DNAH6: variants seen among roughly 807,000 people sequenced by gnomAD.
DNAH6 encodes axonemal beta dynein heavy chain 6.
In DNAH6, 340 loss-of-function variants were observed where a neutral mutation model predicts 491.4. The observed-to-expected ratio is 0.69, with a 90% CI of 0.63 to 0.76. DNAH6 has a LOEUF of 0.76. DNAH6 is among the 30% of genes least tolerant of loss of function. The probability of loss-of-function intolerance (pLI) is 0.00; values close to 1 mark genes in which losing one functional copy is unlikely to be tolerated. For synonymous variants in DNAH6, 1,603 were observed against 1,686.1 expected (o/e 0.95, Z 1.21); for missense variants, 4,443 against 4,972.2 (o/e 0.89, Z 3.20).
intron 68 of DNAH6, among the ~76,000 whole-genome samples, chr2:84,795,586 T>G (rs559153828): frequency 7.9e-5 from 12 of 152,338 alleles, no homozygotes; most frequent in Admixed American, 7.8e-4. Flanking sequence ...GTTGACAATG[T>G]AGGTATCACA....
At chr2:84,728,443 G>C (rs1698841957) in intron 61 of DNAH6, among the ~76,000 whole-genome samples, 1 of 152,178 alleles carries the variant, frequency 6.6e-6, no homozygotes, top group African/African-American at 2.4e-5. Flanking sequence ...ACTCAGCTCT[G>C]CCTCCAACTA....
At chr2:84,662,169 G>T (rs1227023464) in intron 37 of DNAH6, among the ~76,000 whole-genome samples, 1 of 152,082 alleles carries the variant, frequency 6.6e-6, no homozygotes, top group Non-Finnish European at 1.5e-5. Flanking sequence ...TGGCCAAATA[G>T]GAACAGCTCC....
At chr2:84,672,558 A>T (rs1692837447) in intron 40 of DNAH6, 74 bp downstream of exon 40, 1 of 1,358,308 alleles carries the variant, frequency 7.4e-7, no homozygotes, top group South Asian at 1.4e-5. Flanking sequence ...AGTTTGTGAG[A>T]CTACCATAAC....
chr2:84,571,022 A>G (rs1311616196), intron 11 of DNAH6, among the ~76,000 whole-genome samples: 1 of 152,180 alleles, frequency 6.6e-6, no homozygotes, highest in Non-Finnish European at 1.5e-5. Context: ...AGTCAGCAAG[A>G]CCGAGAATCC....
intron 64 of DNAH6, among the ~76,000 whole-genome samples, chr2:84,778,467 G>A (rs189862034): frequency 7.3e-5 from 11 of 151,572 alleles, no homozygotes; most frequent in Admixed American, 1.3e-4. Context: ...ATTAGATCAT[G>A]AATCTAATTC....
rs1303451413 is a variant in DNAH6, at chr2:84,688,475, A to G, written c.7174A>G (p.Met2392Val). ...TAAAGCTGATCGGATTTATGATGAC[A>G]TGCCTGATATAGAGAAAACTGCAAA... The part of the protein sequence containing the change: ...ADKADRIYDD[M>V]PDIEKTANVL... The change falls in exon 45 of 77, where the codon ATG becomes GTG. Residue 2392 changes from methionine to valine, a missense_variant. Coordinates refer to ENST00000389394, the MANE Select transcript of DNAH6 (RefSeq NM_001370.2). The G allele has an allele frequency of 6.5e-7, 1 of 1,536,856 alleles. No homozygotes were observed. Among genetic ancestry groups the G allele is most frequent in the African/African-American group, 1.4e-5 (1 of 72,032 alleles).
At chr2:84,665,553 G>A (rs1692034309) in intron 37 of DNAH6, among the ~76,000 whole-genome samples, 1 of 152,150 alleles carries the variant, frequency 6.6e-6, no homozygotes, top group Non-Finnish European at 1.5e-5. Context: ...AAACCAGGAA[G>A]AAGTTGAATC....
Position 84,679,518 on chromosome 2 carries a change from G to A in DNAH6, c.6745-1839G>A, listed in dbSNP as rs1200142805. 2.6e-5 allele frequency among the ~76,000 whole-genome samples: 4 copies of A among 152,288 alleles called. No individual in the cohort carries two copies. In the East Asian group the frequency reaches 5.8e-4, roughly 22 times the overall value. On this transcript the variant is annotated intron_variant, in intron 41 of 76. Transcript: ENST00000389394. ...AGCTATAACGCAGTAACTGAAAACC[G>A]TGATCAGCTCCATAAACTAGTGATA...
chr2:84,674,081 G>A (rs1327345541), intron 40 of DNAH6, among the ~76,000 whole-genome samples: 1 of 152,114 alleles, frequency 6.6e-6, no homozygotes, highest in Non-Finnish European at 1.5e-5. Flanking sequence ...AAGGGCGGGG[G>A]GCATGTTTCG....
chr2:84,725,024 T>C (rs1698495897), intron 60 of DNAH6, among the ~76,000 whole-genome samples: 1 of 152,210 alleles, frequency 6.6e-6, no homozygotes. Context: ...CCCCACGTTG[T>C]CTTGGGTGGT....
chr2:84,567,527 A>C (rs1469382706), intron 11 of DNAH6, among the ~76,000 whole-genome samples: 3 of 152,076 alleles, frequency 2.0e-5, no homozygotes, highest in Non-Finnish European at 4.4e-5. Context: ...CAACAAACCT[A>C]ACAAAAACAA....
chr2:84,769,712 AT>A (rs1675432287), intron 64 of DNAH6, among the ~76,000 whole-genome samples: 1 of 152,216 alleles, frequency 6.6e-6, no homozygotes, highest in Non-Finnish European at 1.5e-5. Context: ...ACCCTGGAAG[AT>A]TTTGTCAAAA....
chr2:84,740,250 G>A (rs1260957696), intron 62 of DNAH6, among the ~76,000 whole-genome samples: 1 of 152,150 alleles, frequency 6.6e-6, no homozygotes, highest in Non-Finnish European at 1.5e-5. Context: ...AATTCAGGAT[G>A]CAGTCTAGTA....
chr2:84,745,522 C>T (rs778511690), intron 63 of DNAH6, among the ~76,000 whole-genome samples: 47 of 151,978 alleles, frequency 3.1e-4, no homozygotes, highest in Non-Finnish European at 4.0e-4. Flanking sequence ...AATAATTATC[C>T]GGGCATGGTG....
chr2:84,691,944 G>A (rs1573502403), intron 45 of DNAH6, among the ~76,000 whole-genome samples: 1 of 152,212 alleles, frequency 6.6e-6, no homozygotes, highest in African/African-American at 2.4e-5. Flanking sequence ...TGGAAAAAGT[G>A]GACCTGTCTG....
At chr2:84,722,113 T>C (rs767875606) in intron 59 of DNAH6, among the ~76,000 whole-genome samples, 1 of 152,190 alleles carries the variant, frequency 6.6e-6, no homozygotes, top group Non-Finnish European at 1.5e-5. Context: ...ATCCCATATG[T>C]CTATACCTGG....
At position 84,745,117 on chromosome 2, in the gene DNAH6, A is replaced by G. The variant is rs1222810321; in HGVS notation, c.10380A>G (p.Glu3460=). 1 of 1,541,486 alleles carries G rather than the reference A, an allele frequency of 6.5e-7. No homozygotes were observed. Among genetic ancestry groups the G allele is most frequent in the Non-Finnish European group, 8.8e-7 (1 of 1,142,040 alleles). ...FETYINPQKW[E]GYSKMKHEDK... The stretch of plus-strand genomic sequence containing the variant: ...CTTATATTAACCCACAGAAATGGGA[A>G]GGCTATTCTAAAATGAAACACGAAG... The change falls in exon 63 of 77, where the codon GAA becomes GAG. Residue 3460 remains glutamate, a synonymous_variant. Transcript: ENST00000389394.
chr2:84,640,558 G>C lies in DNAH6; in HGVS notation c.4950G>C (p.Lys1650Asn). Residue 1650 changes from lysine (K) to asparagine (N), a missense_variant, in exon 32 of 77, where the codon AAG (lysine) becomes AAC (asparagine). Lys to Asn is a moderately conservative substitution (Grantham distance 94). This residue lies in a region of DNAH6 where 2,977 missense variants were observed against 3,296.6 expected (regional missense o/e 0.90). Coordinates refer to ENST00000389394, the MANE Select transcript of DNAH6 (RefSeq NM_001370.2). Reference protein sequence around the residue: ...DHYDFGMRAVKSVLVMAGSLK... With the variant: ...DHYDFGMRAVNSVLVMAGSLK... ...ACGACTTTGGCATGAGAGCTGTGAA[G>C]TCTGTCCTGGTCATGGCTGGGTAAG... The C allele has an allele frequency of 6.5e-7, 1 of 1,549,368 alleles. No individual in the cohort carries two copies. The highest frequency in any genetic ancestry group is 2.4e-5 in the East Asian group (1 of 40,870).
intron 4 of DNAH6, among the ~76,000 whole-genome samples, chr2:84,542,548 A>G (rs1307236863): frequency 6.6e-6 from 1 of 152,048 alleles, no homozygotes; most frequent in Non-Finnish European, 1.5e-5. Context: ...TGGAGGGACT[A>G]TTCCTCTCCC....
Sources: gnomAD v4.1 joint callset for allele counts (sites outside exome capture counted in the v4.1 genomes callset) on GRCh38, gnomAD v4.1.1 for gene constraint, gnomAD v4.1.1 regional missense constraint, MANE v1.5 for transcripts, NCBI Gene and HGNC (gene_info 2026-07-23, HGNC 2026-07-21) for gene names.